PPP1R13B: variants seen among roughly 807,000 people sequenced by gnomAD.
The protein encoded by PPP1R13B is protein phosphatase 1 regulatory subunit 13B, also known as apoptosis-stimulating of p53 protein 1.
Under a neutral mutation model 119.8 loss-of-function variants are expected in PPP1R13B, and 44 were observed. The observed-to-expected ratio is 0.37, with a 90% confidence interval of 0.29 to 0.47. PPP1R13B has a LOEUF of 0.47. Ranked by LOEUF, PPP1R13B falls within the 20% of genes least tolerant of loss-of-function variation. The probability of loss-of-function intolerance (pLI) is 0.99; values close to 1 mark genes in which losing one functional copy is unlikely to be tolerated. For synonymous variants in PPP1R13B, 542 were observed against 561.5 expected, an observed-to-expected ratio of 0.97 and a Z score of 0.49; for missense variants, 1,227 against 1,413.5, an observed-to-expected ratio of 0.87 and a Z score of 2.12.
At chr14:103,847,225 G>A (rs1376245800) in intron 1 of PPP1R13B, 74 bp downstream of exon 1, 12 of 1,085,746 alleles carry the variant, frequency 1.1e-5, no homozygotes, top group Non-Finnish European at 1.3e-5. Flanking sequence ...GGGGCTGGGA[G>A]CCGCGGGAGG....
intron 1 of PPP1R13B, among the ~76,000 whole-genome samples, chr14:103,835,131 G>T (rs756188135): frequency 6.6e-6 from 1 of 151,932 alleles, no homozygotes; most frequent in Admixed American, 6.6e-5. Context: ...TTTTAGACAG[G>T]ATCTGTCTGT....
intron 1 of PPP1R13B, among the ~76,000 whole-genome samples, chr14:103,800,469 A>G (rs928437635): frequency 2.0e-5 from 3 of 152,128 alleles, no homozygotes; most frequent in African/African-American, 2.4e-5. Flanking sequence ...CCTGGCCAAC[A>G]TGGCAAAACA....
chr14:103,773,765 G>A (rs1034464340), intron 4 of PPP1R13B, among the ~76,000 whole-genome samples: 1 of 152,196 alleles, frequency 6.6e-6, no homozygotes, highest in South Asian at 2.1e-4. Flanking sequence ...AAGGCAGACT[G>A]AGTGAACAAT....
intron 1 of PPP1R13B, chr14:103,840,095 CA>C (rs1244051563): frequency 2.6e-5 from 4 of 152,218 alleles, no homozygotes; most frequent in Admixed American, 6.5e-5. Context: ...GTCTGAACAA[CA>C]GTCATATAGC....
intron 5 of PPP1R13B, among the ~76,000 whole-genome samples, chr14:103,757,061 CTTT>C (rs772002409): frequency 3.5e-5 from 5 of 142,416 alleles, no homozygotes; most frequent in Non-Finnish European, 6.2e-5. Flanking sequence ...TGCACCCAGC[CTTT>C]TTTTTTTTTT....
chr14:103,819,515 AC>A (rs1365016729), intron 1 of PPP1R13B, among the ~76,000 whole-genome samples: 10 of 146,482 alleles, frequency 6.8e-5, no homozygotes, highest in African/African-American at 2.3e-4. Flanking sequence ...AAACAAACAA[AC>A]AAAAAAAAAC....
intron 2 of PPP1R13B, among the ~76,000 whole-genome samples, chr14:103,796,631 A>G (rs2085763949): frequency 6.6e-6 from 1 of 152,164 alleles, no homozygotes; most frequent in South Asian, 2.1e-4. Context: ...GGTTTATACT[A>G]CTAAGAGATA....
chr14:103,773,264 A>T (rs1350419904), intron 4 of PPP1R13B, among the ~76,000 whole-genome samples: 1 of 152,184 alleles, frequency 6.6e-6, no homozygotes, highest in African/African-American at 2.4e-5. Flanking sequence ...AGGAGAATAA[A>T]ATGAAAGATG....
Position 103,740,126 on chromosome 14 carries a change from T to A in PPP1R13B, c.2290A>T (p.Asn764Tyr), listed in dbSNP as rs1296970829. The change falls in exon 12 of 17, where the codon AAT (asparagine) becomes TAT (tyrosine). Residue 764 changes from asparagine to tyrosine, a missense_variant. By Grantham distance (143) the Asn-to-Tyr change is moderately radical. Coordinates refer to ENST00000202556, the MANE Select transcript of PPP1R13B (RefSeq NM_015316.3). The surrounding 1 kb of genome is among the most constrained non-coding windows in gnomAD (Gnocchi z 4.6). The part of the protein sequence containing the change: ...TLADVDNGNT[N>Y]ANGNLEELPP... ...AGCTCTTCCAGGTTTCCATTGGCAT[T>A]GGTGTTTCCATTGTCCACATCGGCC... 6.2e-7 allele frequency: 1 copy of A among 1,613,594 alleles called. No homozygotes were observed. The highest frequency in any genetic ancestry group is 8.5e-7 in the Non-Finnish European group (1 of 1,180,000).
At chr14:103,841,931 T>C (rs1338917682) in intron 1 of PPP1R13B, among the ~76,000 whole-genome samples, 5 of 152,140 alleles carry the variant, frequency 3.3e-5, no homozygotes, top group African/African-American at 1.2e-4. Flanking sequence ...ATTTTACAGA[T>C]GAGAAACTGA....
intron 9 of PPP1R13B, 141 bp downstream of exon 9, chr14:103,746,232 G>T: frequency 1.2e-6 from 1 of 828,780 alleles, no homozygotes; most frequent in Non-Finnish European, 1.8e-6. Context: ...CTCTCCAAGC[G>T]CCTCACGGGG....
At chr14:103,795,516 G>T (rs73367018) in intron 2 of PPP1R13B, among the ~76,000 whole-genome samples, 7 of 152,136 alleles carry the variant, frequency 4.6e-5, no homozygotes, top group Admixed American at 4.6e-4. Context: ...CGAGTGACTC[G>T]TATGAGAGAG....
chr14:103,806,372 A>C (rs1417871884), intron 1 of PPP1R13B, among the ~76,000 whole-genome samples: 1 of 152,186 alleles, frequency 6.6e-6, no homozygotes, highest in African/African-American at 2.4e-5. Context: ...CAGGGATAAC[A>C]AAAAATAACT....
chr14:103,740,096 G>T lies in PPP1R13B; in HGVS notation c.2320C>A (p.Pro774Thr), dbSNP rs767323271. The change falls in exon 12 of 17, where the codon CCT becomes ACT. Residue 774 changes from proline to threonine, a missense_variant. Pro to Thr is a conservative substitution (Grantham distance 38, BLOSUM62 -1). Transcript: ENST00000202556. The surrounding 1 kb of genome is among the most constrained non-coding windows in gnomAD (Gnocchi z 4.6). ...NANGNLEELP[P>T]AQPTAPLPAE... is the part of the protein sequence containing the mutation. ...GGGAGTGGGGCTGTGGGCTGGGCAGGGGGGAGCTCTTCCAGGTTTCCATTG... is the reference window on the plus strand; with the variant it reads ...GGGAGTGGGGCTGTGGGCTGGGCAGTGGGGAGCTCTTCCAGGTTTCCATTG... The T allele has an allele frequency of 4.3e-6, 7 of 1,613,730 alleles. No individual in the cohort carries two copies. Among genetic ancestry groups the T allele is most frequent in the South Asian group, 3.3e-5 (3 of 91,080 alleles).
At chr14:103,784,583 C>CAAAAAAAAA (rs546875688) in intron 3 of PPP1R13B, among the ~76,000 whole-genome samples, 3 of 60,568 alleles carry the variant, frequency 5.0e-5, no homozygotes, top group African/African-American at 6.4e-5. Context: ...ACTCTGTCTC[C>CAAAAAAAAA]AAAAAAAAAA....
At chr14:103,811,638 T>C (rs1260121463) in intron 1 of PPP1R13B, among the ~76,000 whole-genome samples, 2 of 151,578 alleles carry the variant, frequency 1.3e-5, no homozygotes, top group Non-Finnish European at 2.9e-5. Context: ...CAGTGAGCTA[T>C]GACTGTGCCA....
chr14:103,799,443 G>A (rs1193734581), intron 1 of PPP1R13B, among the ~76,000 whole-genome samples: 1 of 152,078 alleles, frequency 6.6e-6, no homozygotes, highest in Non-Finnish European at 1.5e-5. Context: ...CTCCCAAAAT[G>A]CTGGGATTAC....
At chr14:103,803,305 CAAGTT>C (rs2085942839) in intron 1 of PPP1R13B, among the ~76,000 whole-genome samples, 2 of 152,028 alleles carry the variant, frequency 1.3e-5, no homozygotes, top group South Asian at 4.2e-4. Context: ...AAAAAGAAAA[CAAGTT>C]AATACGTTTA....
In PPP1R13B at chr14:103,742,222, T is replaced by C. The variant is rs765478582; in HGVS notation, c.1390A>G (p.Thr464Ala). The C allele has an allele frequency of 1.3e-6, 2 of 1,596,438 alleles. No homozygotes were observed. The highest frequency in any genetic ancestry group is 1.7e-6 in the Non-Finnish European group (2 of 1,177,026). The change falls in exon 11 of 17, where the codon ACA becomes GCA. Residue 464 changes from threonine to alanine, a missense_variant. Physicochemically the swap from Thr to Ala is moderately conservative, Grantham distance 58 (BLOSUM62 0). Transcript: ENST00000202556. The surrounding 1 kb of genome is among the most constrained non-coding windows in gnomAD (Gnocchi z 4.9). The stretch of plus-strand genomic sequence containing the variant: ...CCCAGAGGTGTAGGACTTGGGTATG[T>C]CCCATAGCTTGGAGGCAGCTGCTTG... Reference protein sequence around the residue: ...VGKQLPPSYGTYPSPTPLGPG... With the variant: ...VGKQLPPSYGAYPSPTPLGPG...
Sources: gnomAD v4.1 joint callset for allele counts (sites outside exome capture counted in the v4.1 genomes callset) on GRCh38, gnomAD v4.1.1 for gene constraint, Gnocchi (gnomAD v3.1) non-coding constraint, MANE v1.5 for transcripts, NCBI Gene and HGNC (gene_info 2026-07-23, HGNC 2026-07-21) for gene names.